LTBP2: variants seen among roughly 807,000 people sequenced by gnomAD.
LTBP2 encodes latent-transforming growth factor beta-binding protein 2.
In LTBP2, 103 loss-of-function variants were observed where a neutral mutation model predicts 210.6. That is an observed-to-expected ratio of 0.49 (90% confidence interval 0.42 to 0.58). The LOEUF (loss-of-function observed/expected upper bound fraction) is 0.58, where lower values mean the gene tolerates loss of function less well. LTBP2 is among the 20% of genes least tolerant of loss of function. The pLI, the probability that LTBP2 is intolerant of heterozygous loss-of-function variation, is 0.00. For synonymous variants in LTBP2, 1,007 were observed against 1,015.0 expected, an observed-to-expected ratio of 0.99 and a Z score of 0.15; for missense variants, 2,313 against 2,494.5, an observed-to-expected ratio of 0.93 and a Z score of 1.55.
Position 74,506,884 on chromosome 14 carries a change from C to CGT in LTBP2, c.3908-62_3908-61insAC, listed in dbSNP as rs1555347820. ...GTGTGTGTGTGTGTGTGTGTGCGCG[C>CGT]GCGCGTGTGTGCTCACTCTCTCACA... On this transcript the variant is annotated intron_variant, in intron 26 of 35. Coordinates refer to ENST00000261978, the MANE Select transcript of LTBP2 (RefSeq NM_000428.3). 473 of 1,506,026 alleles carry CGT rather than the reference C, an allele frequency of 3.1e-4. No homozygotes were observed. The African/African-American group carries it at 6.3e-3, about 20-fold the overall frequency. The allele number at this position is 1,506,026 out of a possible 1,614,324, so 93.3% of individuals were successfully genotyped here.
chr14:74,607,329 A>G (rs2088540025), intron 1 of LTBP2, among the ~76,000 whole-genome samples: 1 of 152,162 alleles, frequency 6.6e-6, no homozygotes, highest in Admixed American at 6.5e-5. Context: ...ACTTAAGAAC[A>G]TTTTGTTTTC....
In LTBP2 at chr14:74,549,956, G is replaced by A. The variant is rs761595193; in HGVS notation, c.1696C>T (p.Pro566Ser). ...LNTVNGQCAN[P>S]LLELTTQEDC... ...TCCTGGGTAGTCAGCTCCAGCAGAG[G>A]GTTGGCACACTGGAAGGAGAGGCCA... Residue 566 changes from proline to serine, a missense_variant, in exon 8 of 36, where the codon CCT (proline) becomes TCT (serine). Pro to Ser is a moderately conservative substitution (Grantham distance 74). Around this residue, in one of 3 missense-constraint regions of LTBP2, gnomAD observed 1,867 missense variants for 1,976.9 expected, o/e 0.94. Coordinates refer to ENST00000261978, the MANE Select transcript of LTBP2 (RefSeq NM_000428.3). The A allele has an allele frequency of 2.4e-5, 38 of 1,612,834 alleles. No homozygotes were observed. Among genetic ancestry groups the A allele is most frequent in the Non-Finnish European group, 3.1e-5 (37 of 1,178,812 alleles).
intron 3 of LTBP2, among the ~76,000 whole-genome samples, chr14:74,582,019 G>GT (rs1162135097): frequency 0.042 from 5,393 of 128,466 alleles, 251 homozygotes; most frequent in African/African-American, 0.11. Flanking sequence ...TAGGGTTGTT[G>GT]TTTTTTTTTT....
chr14:74,510,213 T>A lies in LTBP2; in HGVS notation c.3029A>T (p.Asp1010Val), dbSNP rs145407611. ...CCCGGGAGTCAGACACTCATTCACA[T>A]CTGTGGGAGAGAAGTCCAAGACGGT... is the stretch of plus-strand genomic sequence containing the variant. ...GYRGQSGSCV[D>V]VNECLTPGVC... The change falls in exon 20 of 36, where the codon GAT (aspartate) becomes GTT (valine). Residue 1010 changes from aspartate (D) to valine (V), a missense_variant and splice_region_variant. Coordinates refer to ENST00000261978, the MANE Select transcript of LTBP2 (RefSeq NM_000428.3). 17 of 1,613,490 alleles carry A rather than the reference T, an allele frequency of 1.1e-5. No homozygotes were observed. In the African/African-American group the frequency reaches 2.0e-4, roughly 19 times the overall value.
chr14:74,501,502 C>G lies in LTBP2; in HGVS notation c.5259G>C (p.Glu1753Asp). Residue 1753 changes from glutamate to aspartate, a missense_variant, in exon 35 of 36, where the codon GAG becomes GAC. Physicochemically the swap from Glu to Asp is conservative, Grantham distance 45. This residue lies in a region of LTBP2 where 443 missense variants were observed against 501.4 expected (regional missense o/e 0.88). Transcript: ENST00000261978. ...CENGRCVRVR[E>D]GYTCDCFEGF... ...CCTCAAAACAGTCACAGGTGTAGCC[C>G]TCCCGCACGCGCACACAGCGGCCAT... The G allele has an allele frequency of 6.2e-7, 1 of 1,614,200 alleles. No homozygotes were observed. Among genetic ancestry groups the G allele is most frequent in the Non-Finnish European group, 8.5e-7 (1 of 1,180,030 alleles).
rs183977303 is a variant in LTBP2, at chr14:74,520,062, A to G, written c.2788+1849T>C. On this transcript the variant is annotated intron_variant, in intron 17 of 35. Coordinates refer to ENST00000261978, the MANE Select transcript of LTBP2 (RefSeq NM_000428.3). The stretch of plus-strand genomic sequence containing the variant: ...CTGTGAGACAGTGTCCAAGCGCTTC[A>G]GCCTGGCACTCAAGACATTTCCCAC... Among the ~76,000 whole-genome samples, 1,342 of 152,338 alleles carry G rather than the reference A, an allele frequency of 8.8e-3. 21 individuals are homozygous for G. The highest frequency in any genetic ancestry group is 0.03 in the African/African-American group (1,234 of 41,570).
At position 74,527,355 on chromosome 14, in the gene LTBP2, C is replaced by T. The variant is rs150047299; in HGVS notation, c.2380G>A (p.Ala794Thr). 23 of 1,611,472 alleles carry T rather than the reference C, an allele frequency of 1.4e-5. No homozygotes were observed. Among genetic ancestry groups the T allele is most frequent in the Non-Finnish European group, 1.8e-5 (21 of 1,179,196 alleles). ...TGGGAGGACGCACTCACCTGGCCAGCCTGAGAGTCACCTGGAAGGGAAAGG... is the reference window on the plus strand; with the variant it reads ...TGGGAGGACGCACTCACCTGGCCAGTCTGAGAGTCACCTGGAAGGGAAAGG... Reference protein sequence around the residue: ...GTIPDKGDSQAGQVTTSVTHA... With the variant: ...GTIPDKGDSQTGQVTTSVTHA... Residue 794 changes from alanine to threonine, a missense_variant, in exon 13 of 36, where the codon GCT becomes ACT. Ala to Thr is a moderately conservative substitution (Grantham distance 58). Transcript: ENST00000261978.
At chr14:74,579,046 G>C (rs758670472) in intron 3 of LTBP2, among the ~76,000 whole-genome samples, 1 of 152,130 alleles carries the variant, frequency 6.6e-6, no homozygotes, top group Admixed American at 6.5e-5. Flanking sequence ...TAGTAGAGAC[G>C]GGGTTTCGCC....
At chr14:74,569,442 G>A (rs994986072) in intron 3 of LTBP2, among the ~76,000 whole-genome samples, 58 of 152,262 alleles carry the variant, frequency 3.8e-4, no homozygotes, top group African/African-American at 1.4e-3. Flanking sequence ...GGCAGACACT[G>A]GGAATGTTGA....
intron 33 of LTBP2, 126 bp downstream of exon 33, chr14:74,503,093 A>G: frequency 6.6e-7 from 1 of 1,507,272 alleles, no homozygotes; most frequent in Non-Finnish European, 9.1e-7. Flanking sequence ...GTCCCCAAAC[A>G]GCAGGGATGG....
intron 27 of LTBP2, 72 bp from the exon 28 acceptor site, chr14:74,506,263 A>G: frequency 6.2e-7 from 1 of 1,601,814 alleles, no homozygotes; most frequent in Non-Finnish European, 8.5e-7. Flanking sequence ...ACTACAGCCC[A>G]CTGCCCCCAA....
chr14:74,540,144 G>C (rs2087474328), intron 8 of LTBP2, among the ~76,000 whole-genome samples: 3 of 152,120 alleles, frequency 2.0e-5, no homozygotes, highest in African/African-American at 7.2e-5. Context: ...CTAGTTCCTA[G>C]CTTCTGTAAG....
chr14:74,511,595 G>T (rs1438377900), intron 18 of LTBP2, among the ~76,000 whole-genome samples: 2 of 152,238 alleles, frequency 1.3e-5, no homozygotes, highest in African/African-American at 2.4e-5. Context: ...CTCCCTGGGT[G>T]GGTGCAGTAG....
intron 10 of LTBP2, among the ~76,000 whole-genome samples, chr14:74,530,940 A>C (rs1363271994): frequency 6.6e-6 from 1 of 152,246 alleles, no homozygotes; most frequent in Non-Finnish European, 1.5e-5. Context: ...GAGGTGTGTG[A>C]GAGTGGCTTG....
intron 3 of LTBP2, among the ~76,000 whole-genome samples, chr14:74,557,901 G>C: frequency 6.6e-6 from 1 of 152,206 alleles, no homozygotes; most frequent in East Asian, 1.9e-4. Context: ...CCAGACCCCA[G>C]TGGGAGCTCA....
chr14:74,499,677 C>A lies in LTBP2; in HGVS notation c.*1207G>T, dbSNP rs2086889714. 7 of 225,470 alleles carry A rather than the reference C, an allele frequency of 3.1e-5. No individual in the cohort carries two copies. The Admixed American group carries it at 4.0e-4, about 13-fold the overall frequency. The allele number at this position is 225,470 out of a possible 1,614,324, so 14.0% of individuals were successfully genotyped here. ...AGCAGAGCTGGCCAGGGAGTAGGCA[C>A]AGCCTCATCTCTAATATTTAGACTT... On this transcript the variant is annotated 3_prime_UTR_variant, in exon 36 of 36. Transcript: ENST00000261978.
chr14:74,603,787 C>G, intron 1 of LTBP2, 82 bp from the exon 2 acceptor site: 1 of 1,191,554 alleles, frequency 8.4e-7, no homozygotes, highest in Non-Finnish European at 1.3e-6. Flanking sequence ...GTCCCACCTT[C>G]TAGAGGCAGG....
chr14:74,518,485 C>T (rs1294089970), intron 17 of LTBP2, among the ~76,000 whole-genome samples: 2 of 152,174 alleles, frequency 1.3e-5, no homozygotes, highest in Non-Finnish European at 2.9e-5. Context: ...TTCCTACACA[C>T]CAGTGTGACT....
chr14:74,594,296 TTAGA>T (rs1419286402), intron 2 of LTBP2, among the ~76,000 whole-genome samples: 1 of 152,090 alleles, frequency 6.6e-6, no homozygotes, highest in Non-Finnish European at 1.5e-5. Flanking sequence ...CTATGACCCG[TTAGA>T]TAGAGGAGGC....
Sources: allele counts gnomAD v4.1 joint callset (sites outside exome capture counted in the v4.1 genomes callset), GRCh38; gene constraint gnomAD v4.1.1; regional missense constraint gnomAD v4.1.1; transcripts MANE v1.5; gene names NCBI Gene and HGNC (gene_info 2026-07-23, HGNC 2026-07-21).